The following OR10J1 variants were observed in gnomAD, a reference collection of about 807,000 sequenced individuals.
The protein encoded by OR10J1 is olfactory receptor 10J1.
For missense variants in OR10J1, 474 were observed against 376.6 expected (o/e 1.26, Z -2.14); for synonymous variants, 202 against 143.8 (o/e 1.40, Z -2.89).
the OR10J1 span, among the ~76,000 whole-genome samples, chr1:159,401,827 A>T: frequency 6.6e-6 from 1 of 152,228 alleles, no homozygotes; most frequent in South Asian, 2.1e-4. Context: ...TTTTATGAAT[A>T]TTGATGCATA....
At chr1:159,422,680 G>A in the OR10J1 span, among the ~76,000 whole-genome samples, 2 of 152,174 alleles carry the variant, frequency 1.3e-5, no homozygotes, top group African/African-American at 4.8e-5. Flanking sequence ...AAGACTCTGG[G>A]GGTTGTGGGA....
chr1:159,435,066 C>G (rs1278727865), upstream of OR10J1, among the ~76,000 whole-genome samples: 1 of 152,166 alleles, frequency 6.6e-6, no homozygotes, highest in African/African-American at 2.4e-5. Flanking sequence ...AGTATTACTT[C>G]CTGGATATAC....
In OR10J1 at chr1:159,440,312, C is replaced by T. The variant is rs1167848345; in HGVS notation, c.521C>T (p.Pro174Leu). The change falls in exon 1 of 1, where the codon CCC (proline) becomes CTC (leucine). Residue 174 changes from proline (P) to leucine (L), a missense_variant. Pro to Leu is a moderately conservative substitution (Grantham distance 98). Coordinates refer to ENST00000423932, the MANE Select transcript of OR10J1 (RefSeq NM_012351.3). ...FRLPFCARKV[P>L]HFFCDIRPVM... Reference sequence around the variant, plus strand: ...TTACCCTTCTGTGCTAGAAAGGTGCCCCACTTCTTCTGTGACATCCGCCCT... The same window carrying T: ...TTACCCTTCTGTGCTAGAAAGGTGCTCCACTTCTTCTGTGACATCCGCCCT... 3.1e-6 allele frequency: 5 copies of T among 1,614,162 alleles called. No individual in the cohort carries two copies. Among genetic ancestry groups the T allele is most frequent in the African/African-American group, 1.3e-5 (1 of 75,046 alleles).
chr1:159,402,130 C>A, the OR10J1 span, among the ~76,000 whole-genome samples: 1 of 151,966 alleles, frequency 6.6e-6, no homozygotes, highest in Non-Finnish European at 1.5e-5. Flanking sequence ...AGACCTACAG[C>A]TAGTACCATA....
chr1:159,416,377 C>CT, the OR10J1 span, among the ~76,000 whole-genome samples: 53 of 150,100 alleles, frequency 3.5e-4, no homozygotes, highest in East Asian at 9.7e-4. Flanking sequence ...TTTCTTGAGA[C>CT]TTTTTTTATC....
At chr1:159,420,693 T>G in the OR10J1 span, among the ~76,000 whole-genome samples, 2 of 148,596 alleles carry the variant, frequency 1.3e-5, no homozygotes, top group African/African-American at 2.5e-5. Context: ...GGTTAGTAGG[T>G]TTTTTTTTTC....
chr1:159,425,599 A>C, the OR10J1 span, among the ~76,000 whole-genome samples: 1 of 152,118 alleles, frequency 6.6e-6, no homozygotes, highest in African/African-American at 2.4e-5. Context: ...AGCAAGAAAA[A>C]AATTGCAAAG....
At chr1:159,429,832 T>A in the OR10J1 span, among the ~76,000 whole-genome samples, 1 of 152,144 alleles carries the variant, frequency 6.6e-6, no homozygotes, top group Non-Finnish European at 1.5e-5. Context: ...GGGAGATAAA[T>A]TAACTGAAAG....
the OR10J1 span, among the ~76,000 whole-genome samples, chr1:159,410,181 C>T: frequency 2.0e-5 from 3 of 151,950 alleles, no homozygotes; most frequent in South Asian, 4.2e-4. Context: ...TGTCTCTGCC[C>T]GGCTTTGGTA....
At chr1:159,418,350 AC>A in the OR10J1 span, among the ~76,000 whole-genome samples, 11 of 152,098 alleles carry the variant, frequency 7.2e-5, no homozygotes, top group African/African-American at 2.4e-4. Flanking sequence ...AGCTCCAGGG[AC>A]CCCTGTTATG....
the OR10J1 span, among the ~76,000 whole-genome samples, chr1:159,415,773 T>G: frequency 6.6e-6 from 1 of 152,038 alleles, no homozygotes; most frequent in Non-Finnish European, 1.5e-5. Flanking sequence ...ATGAAAATAT[T>G]AATGTGATTA....
chr1:159,405,160 A>G, the OR10J1 span, among the ~76,000 whole-genome samples: 1 of 152,152 alleles, frequency 6.6e-6, no homozygotes, highest in Non-Finnish European at 1.5e-5. Flanking sequence ...AGGTGGATCT[A>G]AGGGGGAAAT....
upstream of OR10J1, among the ~76,000 whole-genome samples, chr1:159,436,789 A>G (rs1335391305): frequency 2.0e-5 from 3 of 151,666 alleles, no homozygotes; most frequent in Non-Finnish European, 2.9e-5. Context: ...ACATTCAAAT[A>G]CTCTTTTGTA....
At chr1:159,399,183 T>A in the OR10J1 span, among the ~76,000 whole-genome samples, 2 of 152,096 alleles carry the variant, frequency 1.3e-5, no homozygotes, top group Non-Finnish European at 2.9e-5. Flanking sequence ...TAGAATAGTA[T>A]ATCCAGCAAA....
upstream of OR10J1, among the ~76,000 whole-genome samples, chr1:159,434,464 T>C (rs1558008366): frequency 6.6e-6 from 1 of 152,130 alleles, no homozygotes; most frequent in Non-Finnish European, 1.5e-5. Flanking sequence ...CATCCCTTTT[T>C]CACTCAGCAC....
upstream of OR10J1, among the ~76,000 whole-genome samples, chr1:159,434,795 C>G (rs1413845957): frequency 6.6e-6 from 1 of 152,088 alleles, no homozygotes; most frequent in Non-Finnish European, 1.5e-5. Context: ...CATACCATTC[C>G]CTGGCACATG....
rs1336910577 is a variant in OR10J1, at chr1:159,440,618, C to A, written c.827C>A (p.Thr276Asn). The A allele has an allele frequency of 6.2e-7, 1 of 1,613,476 alleles. No individual in the cohort carries two copies. The highest frequency in any genetic ancestry group is 1.7e-5 in the Admixed American group (1 of 59,976). Residue 276 changes from threonine to asparagine, a missense_variant, in exon 1 of 1, where the codon ACC (threonine) becomes AAC (asparagine). Thr to Asn is a moderately conservative substitution (Grantham distance 65, BLOSUM62 0). Coordinates refer to ENST00000423932, the MANE Select transcript of OR10J1 (RefSeq NM_012351.3). ...GAACATGACCAGCTGATCTCGGTGACCTACACTGTCATCACTCCCCTACTG... is the reference window on the plus strand; with the variant it reads ...GAACATGACCAGCTGATCTCGGTGAACTACACTGTCATCACTCCCCTACTG... ...TREHDQLISV[T>N]YTVITPLLNP... is the part of the protein sequence containing the mutation.
upstream of OR10J1, among the ~76,000 whole-genome samples, chr1:159,434,513 G>A (rs774473538): frequency 4.6e-5 from 7 of 152,040 alleles, no homozygotes; most frequent in Non-Finnish European, 8.8e-5. Context: ...GTCTAAAGTG[G>A]GCCAACAACT....
chr1:159,408,331 G>A, the OR10J1 span, among the ~76,000 whole-genome samples: 1 of 151,846 alleles, frequency 6.6e-6, no homozygotes, highest in Non-Finnish European at 1.5e-5. Flanking sequence ...TGGATGCAAT[G>A]GGAAATCATC....
Sources: allele counts gnomAD v4.1 joint callset (sites outside exome capture counted in the v4.1 genomes callset), GRCh38; gene constraint gnomAD v4.1.1; transcripts MANE v1.5; gene names NCBI Gene and HGNC (gene_info 2026-07-23, HGNC 2026-07-21).